The following KCNC2 variants were observed in gnomAD, a reference collection of about 807,000 sequenced individuals.
The protein encoded by KCNC2 is potassium voltage-gated channel subfamily C member 2, also known as voltage-gated potassium channel KCNC2.
A neutral mutation model predicts 44.5 loss-of-function variants in KCNC2; 21 were observed. That is an observed-to-expected ratio of 0.47 (90% CI 0.33 to 0.68). KCNC2 has a LOEUF of 0.68. KCNC2 is among the 30% of genes least tolerant of loss of function. The probability of loss-of-function intolerance (pLI) is 0.01; values close to 1 mark genes in which losing one functional copy is unlikely to be tolerated. For missense variants in KCNC2, 589 were observed against 826.2 expected, an observed-to-expected ratio of 0.71 and a Z score of 3.52; for synonymous variants, 391 against 339.1, an observed-to-expected ratio of 1.15 and a Z score of -1.68.
At position 75,067,754 on chromosome 12, in the gene KCNC2, T is replaced by G. The variant is rs1592793915; in HGVS notation, c.688-16437A>C. On this transcript the variant is annotated intron_variant, in intron 2 of 4. Coordinates refer to ENST00000549446, the MANE Select transcript of KCNC2 (RefSeq NM_139137.4). Reference sequence around the variant, plus strand: ...GTTCAAGAGCAGTAGCTCCTCTCGCTGTAACTCCCTAATGATGTCAGTGTT... The same window carrying G: ...GTTCAAGAGCAGTAGCTCCTCTCGCGGTAACTCCCTAATGATGTCAGTGTT... Among the ~76,000 whole-genome samples, 3 of 152,288 alleles carry G rather than the reference T, an allele frequency of 2.0e-5. No individual in the cohort carries two copies. The East Asian group carries it at 5.8e-4, about 29-fold the overall frequency.
chr12:75,092,186 A>G (rs1885541009), intron 2 of KCNC2, among the ~76,000 whole-genome samples: 1 of 151,598 alleles, frequency 6.6e-6, no homozygotes, highest in Admixed American at 6.6e-5. Flanking sequence ...AAAATTTAAG[A>G]ACACTGCACT....
At chr12:75,054,689 A>G (rs1881551504) in intron 2 of KCNC2, among the ~76,000 whole-genome samples, 1 of 152,186 alleles carries the variant, frequency 6.6e-6, no homozygotes, top group Admixed American at 6.6e-5. Context: ...GGTATAAGAA[A>G]CACAGAAGAG....
intron 2 of KCNC2, among the ~76,000 whole-genome samples, chr12:75,128,687 T>G (rs1314275335): frequency 6.6e-6 from 1 of 152,192 alleles, no homozygotes; most frequent in Non-Finnish European, 1.5e-5. Flanking sequence ...TCAGAATGGT[T>G]TTCACTGCCT....
intron 2 of KCNC2, among the ~76,000 whole-genome samples, chr12:75,163,874 C>A (rs1429146193): frequency 2.0e-5 from 3 of 151,538 alleles, no homozygotes; most frequent in African/African-American, 7.3e-5. Context: ...GGTCTGTGAC[C>A]CATTTCGAAA....
At chr12:75,081,382 T>A (rs935602388) in intron 2 of KCNC2, among the ~76,000 whole-genome samples, 1 of 151,368 alleles carries the variant, frequency 6.6e-6, no homozygotes, top group Non-Finnish European at 1.5e-5. Context: ...CTTTTTTTTT[T>A]CTGAACTGCT....
chr12:75,196,987 T>C (rs1448572058), intron 2 of KCNC2, among the ~76,000 whole-genome samples: 1 of 152,006 alleles, frequency 6.6e-6, no homozygotes, highest in Non-Finnish European at 1.5e-5. Flanking sequence ...TGTAGCACAA[T>C]ACTGGCACAT....
At chr12:75,196,950 T>C (rs1169508844) in intron 2 of KCNC2, among the ~76,000 whole-genome samples, 3 of 152,084 alleles carry the variant, frequency 2.0e-5, no homozygotes, top group Admixed American at 2.0e-4. Flanking sequence ...TAATTCATTG[T>C]TGAATTGTAT....
intron 2 of KCNC2, among the ~76,000 whole-genome samples, chr12:75,069,151 T>TTTTTTTTTTTTG (rs869250638): frequency 7.0e-6 from 1 of 142,738 alleles, no homozygotes; most frequent in Non-Finnish European, 1.5e-5. Context: ...TTTTTTTTTT[T>TTTTTTTTTTTTG]GAGACGGAAT....
intron 2 of KCNC2, among the ~76,000 whole-genome samples, chr12:75,075,044 T>A (rs934989714): frequency 2.0e-5 from 3 of 152,128 alleles, no homozygotes; most frequent in Admixed American, 6.6e-5. Flanking sequence ...AAGTTTCATG[T>A]GGAGAAGTAG....
intron 4 of KCNC2, among the ~76,000 whole-genome samples, chr12:75,044,097 G>T (rs1880214725): frequency 1.3e-5 from 2 of 151,734 alleles, no homozygotes; most frequent in Admixed American, 1.3e-4. Flanking sequence ...ACCCTATCAA[G>T]GTCACCTTTG....
intron 2 of KCNC2, among the ~76,000 whole-genome samples, chr12:75,180,979 AAAGTAG>A (rs1384758113): frequency 6.6e-6 from 1 of 152,128 alleles, no homozygotes; most frequent in African/African-American, 2.4e-5. Flanking sequence ...CACATAGTAG[AAAGTAG>A]AATTGTTCTC....
In KCNC2 at chr12:75,043,191, C is replaced by T. The variant is rs1198575082; in HGVS notation, c.1831G>A (p.Ala611Thr). 5 of 1,612,280 alleles carry T rather than the reference C, an allele frequency of 3.1e-6. No individual in the cohort carries two copies. Among genetic ancestry groups the T allele is most frequent in the Non-Finnish European group, 4.2e-6 (5 of 1,178,980 alleles). ...LNNIAGLAGNALRLSPVTSPY... is the reference protein window; with the variant it reads ...LNNIAGLAGNTLRLSPVTSPY... Reference sequence around the variant, plus strand: ...GATGTTACTGGAGAGAGCCTCAGAGCATTGCCTGCCAAGCCCGCTATGTTG... The same window carrying T: ...GATGTTACTGGAGAGAGCCTCAGAGTATTGCCTGCCAAGCCCGCTATGTTG... The change falls in exon 5 of 5, where the codon GCT becomes ACT. Residue 611 changes from alanine (A) to threonine (T), a missense_variant. Transcript: ENST00000549446.
At chr12:75,178,743 T>A (rs1892362050) in intron 2 of KCNC2, among the ~76,000 whole-genome samples, 1 of 152,004 alleles carries the variant, frequency 6.6e-6, no homozygotes, top group African/African-American at 2.4e-5. Context: ...ATTCAAAACA[T>A]AGATTAGCAC....
At chr12:75,157,239 G>T (rs151155789) in intron 2 of KCNC2, among the ~76,000 whole-genome samples, 16 of 151,880 alleles carry the variant, frequency 1.1e-4, no homozygotes, top group African/African-American at 3.9e-4. Context: ...TCCATTTTTT[G>T]TTGGATTGTC....
chr12:75,177,057 T>TAC lies in KCNC2; in HGVS notation c.687+30238_687+30239dup, dbSNP rs1213111451. On this transcript the variant is annotated intron_variant, in intron 2 of 4. Coordinates refer to ENST00000549446, the MANE Select transcript of KCNC2 (RefSeq NM_139137.4). ...TTATATATATATATATATATATATA[T>TAC]ACACACACACACTGTACTTCAACTC... Among the ~76,000 whole-genome samples, 270 of 127,264 alleles carry TAC rather than the reference T, an allele frequency of 2.1e-3. 5 individuals carry two copies. The South Asian group carries it at 0.045, about 21-fold the overall frequency. 83.5% of individuals were successfully genotyped at this position (127,264 alleles called of 152,430 possible).
At chr12:75,112,256 C>A (rs1316045735) in intron 2 of KCNC2, among the ~76,000 whole-genome samples, 1 of 151,714 alleles carries the variant, frequency 6.6e-6, no homozygotes, top group Non-Finnish European at 1.5e-5. Flanking sequence ...TATTCTCCAA[C>A]TATTAAATAT....
At chr12:75,046,619 ATTT>A (rs1880550419) in intron 4 of KCNC2, among the ~76,000 whole-genome samples, 2 of 151,862 alleles carry the variant, frequency 1.3e-5, no homozygotes, top group South Asian at 4.1e-4. Context: ...GATGATTATT[ATTT>A]AACATGTACA....
intron 2 of KCNC2, among the ~76,000 whole-genome samples, chr12:75,199,408 A>G (rs2471644): frequency 0.51 from 77,427 of 151,608 alleles, 23,173 homozygotes; most frequent in African/African-American, 0.85. Context: ...AGGAAAGAAG[A>G]CCAGTCAAGT....
intron 2 of KCNC2, among the ~76,000 whole-genome samples, chr12:75,062,776 A>G (rs1375451397): frequency 6.6e-6 from 1 of 152,034 alleles, no homozygotes; most frequent in Non-Finnish European, 1.5e-5. Flanking sequence ...GAAAGCTATT[A>G]AATATTTAAT....
Sources: gnomAD v4.1 joint callset for allele counts (sites outside exome capture counted in the v4.1 genomes callset) on GRCh38, gnomAD v4.1.1 for gene constraint, MANE v1.5 for transcripts, NCBI Gene and HGNC (gene_info 2026-07-23, HGNC 2026-07-21) for gene names.